RGS6: variants seen among roughly 807,000 people sequenced by gnomAD.
The protein encoded by RGS6 is regulator of G protein signaling 6.
RGS6 carries 30 observed loss-of-function variants against 78.5 expected under a neutral mutation model. The ratio of observed to expected loss-of-function variants is 0.38; its 90% CI spans 0.29 to 0.52. The LOEUF (loss-of-function observed/expected upper bound fraction) is 0.52. Among genes scored for constraint, RGS6 ranks in the 20% least tolerant of loss-of-function variants. The probability of loss-of-function intolerance (pLI) is 0.85; values close to 1 mark genes in which losing one functional copy is unlikely to be tolerated. For synonymous variants in RGS6, 206 were observed against 206.0 expected (o/e 1.00, Z 0.00); for missense variants, 495 against 609.7 (o/e 0.81, Z 1.98).
chr14:72,498,820 G>C (rs2096679428), intron 13 of RGS6, among the ~76,000 whole-genome samples: 1 of 152,202 alleles, frequency 6.6e-6, no homozygotes, highest in Admixed American at 6.5e-5. Flanking sequence ...GTCCTGGTTT[G>C]GTTCACGGAG....
intron 3 of RGS6, among the ~76,000 whole-genome samples, chr14:72,401,117 A>T (rs954510436): frequency 6.6e-6 from 1 of 152,114 alleles, no homozygotes; most frequent in East Asian, 1.9e-4. Flanking sequence ...GATAAATCTT[A>T]TGTTCAGTCT....
At chr14:72,231,577 A>G (rs940587020) in intron 2 of RGS6, among the ~76,000 whole-genome samples, 1 of 152,218 alleles carries the variant, frequency 6.6e-6, no homozygotes, top group African/African-American at 2.4e-5. Context: ...CACTAGCCCC[A>G]GGTCCAGTGG....
intron 3 of RGS6, among the ~76,000 whole-genome samples, chr14:72,409,219 T>C (rs1041663777): frequency 3.9e-5 from 6 of 152,178 alleles, no homozygotes; most frequent in African/African-American, 1.4e-4. Flanking sequence ...ACAGAGTTTA[T>C]GTGAGCATTA....
At chr14:71,933,226 A>G (rs2152924117) in intron 1 of RGS6, 1 of 152,336 alleles carries the variant, frequency 6.6e-6, no homozygotes, top group East Asian at 1.9e-4. Context: ...CTGGGTGTGA[A>G]GCGCACACCG....
At chr14:72,393,890 G>A (rs548125706) in intron 3 of RGS6, among the ~76,000 whole-genome samples, 10 of 152,252 alleles carry the variant, frequency 6.6e-5, no homozygotes, top group African/African-American at 9.6e-5. Context: ...AGCTTTAATC[G>A]CCAATAATTA....
At chr14:72,559,626 G>T (rs916266809) in intron 17 of RGS6, among the ~76,000 whole-genome samples, 1 of 152,158 alleles carries the variant, frequency 6.6e-6, no homozygotes, top group South Asian at 2.1e-4. Flanking sequence ...AAGCAGCACC[G>T]CCTGGGTTGC....
chr14:71,878,576 G>A, the RGS6 span, among the ~76,000 whole-genome samples: 8 of 152,304 alleles, frequency 5.3e-5, no homozygotes, highest in African/African-American at 1.2e-4. Context: ...TCCAGGTGCC[G>A]TCTGTCACAG....
intron 2 of RGS6, among the ~76,000 whole-genome samples, chr14:72,004,829 G>GTAAATAAATAAA (rs35366814): frequency 6.7e-6 from 1 of 149,146 alleles, no homozygotes; most frequent in African/African-American, 2.6e-5. Context: ...CTGTCTCAAA[G>GTAAATAAATAAA]TAAATAAATA....
intron 2 of RGS6, among the ~76,000 whole-genome samples, chr14:72,152,260 GT>G: frequency 6.6e-6 from 1 of 151,992 alleles, no homozygotes; most frequent in Non-Finnish European, 1.5e-5. Flanking sequence ...GTGTGTGTGT[GT>G]GTGTGTGTGT....
intron 2 of RGS6, among the ~76,000 whole-genome samples, chr14:72,294,719 G>T (rs2064338962): frequency 6.6e-6 from 1 of 151,914 alleles, no homozygotes; most frequent in Non-Finnish European, 1.5e-5. Context: ...GGGAGAGAGG[G>T]GAGCTATCAC....
At chr14:71,935,571 C>G (rs2088977848) in intron 1 of RGS6, among the ~76,000 whole-genome samples, 1 of 151,986 alleles carries the variant, frequency 6.6e-6, no homozygotes, top group African/African-American at 2.4e-5. Context: ...TTTTTCTGTT[C>G]TTTGAAAACA....
At chr14:72,101,669 G>A (rs181357472) in intron 2 of RGS6, among the ~76,000 whole-genome samples, 1 of 152,122 alleles carries the variant, frequency 6.6e-6, no homozygotes, top group Admixed American at 6.5e-5. Flanking sequence ...GTGAACGCTT[G>A]GATACGTGTT....
chr14:72,138,474 T>TTTTTTTTTTG (rs398043828), intron 2 of RGS6, among the ~76,000 whole-genome samples: 1 of 144,152 alleles, frequency 6.9e-6, no homozygotes, highest in Non-Finnish European at 1.5e-5. Context: ...TTTTTTTTTT[T>TTTTTTTTTTG]ACTTTCTTGG....
chr14:72,075,579 G>A (rs1367077011), intron 2 of RGS6, among the ~76,000 whole-genome samples: 1 of 152,108 alleles, frequency 6.6e-6, no homozygotes, highest in Non-Finnish European at 1.5e-5. Context: ...AAGAGAGGCA[G>A]TAAAGGACCA....
intron 17 of RGS6, among the ~76,000 whole-genome samples, chr14:72,549,794 G>A (rs1464301263): frequency 3.3e-5 from 5 of 152,148 alleles, no homozygotes; most frequent in South Asian, 2.1e-4. Flanking sequence ...CAAGGGAGGC[G>A]GAGGTTGCAG....
In RGS6 at chr14:72,043,131, T is replaced by C. The variant is rs114454367; in HGVS notation, c.84+78256T>C. 5.5e-3 allele frequency among the ~76,000 whole-genome samples: 839 copies of C among 152,242 alleles called. 14 individuals carry two copies. Among genetic ancestry groups the C allele is most frequent in the African/African-American group, 0.019 (798 of 41,508 alleles). ...TCCCTTTCAATTAGTTTTTACTCTT[T>C]ATTTATTAAGGGTGTTAATACTTTT... On this transcript the variant is annotated intron_variant, in intron 2 of 17. Coordinates refer to ENST00000553525, the MANE Select transcript of RGS6 (RefSeq NM_001204424.2).
At chr14:72,576,719 A>G in the RGS6 span, among the ~76,000 whole-genome samples, 1 of 152,194 alleles carries the variant, frequency 6.6e-6, no homozygotes, top group Non-Finnish European at 1.5e-5. Context: ...CTCACTGTCA[A>G]TCAAGGCTTC....
At chr14:71,927,617 C>T (rs2087733933), upstream of RGS6, among the ~76,000 whole-genome samples, 1 of 151,988 alleles carries the variant, frequency 6.6e-6, no homozygotes, top group African/African-American at 2.4e-5. Flanking sequence ...CATTAGAAAT[C>T]GTGACTTATC....
intron 13 of RGS6, 124 bp from the exon 14 acceptor site, chr14:72,510,030 C>G: frequency 8.8e-7 from 1 of 1,142,684 alleles, no homozygotes; most frequent in Non-Finnish European, 1.2e-6. Context: ...GAATCTGCCC[C>G]TTAAATATGA....
Sources: allele counts gnomAD v4.1 joint callset (sites outside exome capture counted in the v4.1 genomes callset), GRCh38; gene constraint gnomAD v4.1.1; transcripts MANE v1.5; gene names NCBI Gene and HGNC (gene_info 2026-07-23, HGNC 2026-07-21).